SMCHD1: variants seen among roughly 807,000 people sequenced by gnomAD.
SMCHD1 encodes the protein structural maintenance of chromosomes flexible hinge domain-containing protein 1.
A neutral mutation model predicts 254.7 loss-of-function variants in SMCHD1; 78 were observed. That is an observed-to-expected ratio of 0.31 (90% confidence interval 0.26 to 0.37). The LOEUF (loss-of-function observed/expected upper bound fraction) is 0.37, where lower values mean the gene tolerates loss of function less well. Among genes scored for constraint, SMCHD1 ranks in the 10% least tolerant of loss-of-function variants. The pLI is 1.00. For synonymous variants in SMCHD1, 766 were observed against 794.9 expected, an observed-to-expected ratio of 0.96 and a Z score of 0.61; for missense variants, 1,840 against 2,408.1, an observed-to-expected ratio of 0.76 and a Z score of 4.94.
intron 39 of SMCHD1, 40 bp from the exon 40 acceptor site, chr18:2,771,493 C>T: frequency 1.4e-6 from 2 of 1,380,322 alleles, no homozygotes; most frequent in Non-Finnish European, 2.0e-6. Context: ...GATTTGGGGG[C>T]TATCAGAAAT....
At chr18:2,689,238 G>A (rs1255212279) in intron 7 of SMCHD1, among the ~76,000 whole-genome samples, 1 of 120,896 alleles carries the variant, frequency 8.3e-6, no homozygotes, top group Non-Finnish European at 1.7e-5. Context: ...TTTTTTTTGA[G>A]ATGGAGTCTC....
Position 2,746,668 on chromosome 18 carries a change from T to G in SMCHD1, c.3802-854T>G, listed in dbSNP as rs574430316. ...CTTTCCCCATAATCTGGTAACCAGCTACCTCAGTTAAGAGTAGGGGGTAGA... is the reference window on the plus strand; with the variant it reads ...CTTTCCCCATAATCTGGTAACCAGCGACCTCAGTTAAGAGTAGGGGGTAGA... On this transcript the variant is annotated intron_variant, in intron 29 of 47. Coordinates refer to ENST00000320876, the MANE Select transcript of SMCHD1 (RefSeq NM_015295.3). Among the ~76,000 whole-genome samples, 7 of 152,322 alleles carry G rather than the reference T, an allele frequency of 4.6e-5. No homozygotes were observed. In the South Asian group the frequency reaches 1.0e-3, roughly 23 times the overall value.
At chr18:2,762,336 G>C in intron 36 of SMCHD1, 100 bp downstream of exon 36, 1 of 1,136,046 alleles carries the variant, frequency 8.8e-7, no homozygotes, top group South Asian at 1.5e-5. Context: ...CAGTTACTCT[G>C]ATTAAGGTTA....
At chr18:2,680,040 A>G (rs1255798458) in intron 5 of SMCHD1, among the ~76,000 whole-genome samples, 1 of 152,064 alleles carries the variant, frequency 6.6e-6, no homozygotes, top group South Asian at 2.1e-4. Context: ...ATTTCTATTC[A>G]GTTCTTTTTT....
At chr18:2,692,816 A>G (rs2074208215) in intron 7 of SMCHD1, among the ~76,000 whole-genome samples, 1 of 152,214 alleles carries the variant, frequency 6.6e-6, no homozygotes, top group Admixed American at 6.5e-5. Context: ...ATCTCCTACC[A>G]GATGGAATTT....
At chr18:2,724,125 T>C (rs1450146659) in intron 20 of SMCHD1, among the ~76,000 whole-genome samples, 1 of 149,432 alleles carries the variant, frequency 6.7e-6, no homozygotes, top group African/African-American at 2.5e-5. Context: ...TCCCAGGGGA[T>C]TTATTTTATC....
At chr18:2,773,487 C>T (rs1436580619) in intron 41 of SMCHD1, among the ~76,000 whole-genome samples, 1 of 152,140 alleles carries the variant, frequency 6.6e-6, no homozygotes, top group African/African-American at 2.4e-5. Context: ...TTTGAAATTT[C>T]GTTTTACATA....
intron 45 of SMCHD1, among the ~76,000 whole-genome samples, chr18:2,787,945 C>G (rs1295016986): frequency 6.6e-6 from 1 of 152,208 alleles, no homozygotes; most frequent in East Asian, 1.9e-4. Context: ...CTGGGACAGT[C>G]AGCAGCCTTG....
chr18:2,697,885 C>A lies in SMCHD1; in HGVS notation c.1186C>A (p.Gln396Lys), dbSNP rs377471712. 74 of 1,613,552 alleles carry A rather than the reference C, an allele frequency of 4.6e-5. No individual in the cohort carries two copies. Among genetic ancestry groups the A allele is most frequent in the Admixed American group, 6.7e-5 (4 of 60,002 alleles). Residue 396 changes from glutamine (Q) to lysine (K), a missense_variant, in exon 10 of 48, where the codon CAA becomes AAA. Physicochemically the swap from Gln to Lys is moderately conservative, Grantham distance 53 (BLOSUM62 1). This residue lies in a region of SMCHD1 where 498 missense variants were observed against 743.5 expected (regional missense o/e 0.67). Coordinates refer to ENST00000320876, the MANE Select transcript of SMCHD1 (RefSeq NM_015295.3). ...TAAGATTGTCAACCTAAGGGAAATA[C>A]AAGACGACATGCAGACGTTGTATGT... The part of the protein sequence containing the change: ...VPKIVNLREI[Q>K]DDMQTLYVNT...
rs1429457379 is a variant in SMCHD1 at position 2,697,963 on chromosome 18, G to A, written c.1264G>A (p.Val422Ile). The A allele has an allele frequency of 7.4e-6, 12 of 1,613,660 alleles. No individual in the cohort carries two copies. The highest frequency in any genetic ancestry group is 3.3e-5 in the Admixed American group (2 of 60,028). Residue 422 changes from valine to isoleucine, a missense_variant, in exon 10 of 48, where the codon GTA becomes ATA. Val to Ile is a conservative substitution (Grantham distance 29, BLOSUM62 3). Transcript: ENST00000320876. ...CAAAGCTCATGTTGAAGGAGATGGT[G>A]TAGTGGAAGGGATTATCCGTTATCA... is the stretch of plus-strand genomic sequence containing the variant. ...EFKAHVEGDG[V>I]VEGIIRYHPF...
chr18:2,697,228 C>T (rs1455972118), intron 9 of SMCHD1, 106 bp downstream of exon 9: 10 of 534,782 alleles, frequency 1.9e-5, no homozygotes, highest in Non-Finnish European at 3.3e-5. Flanking sequence ...CAACTTCTCT[C>T]TCCTTGTTTT....
intron 5 of SMCHD1, 43 bp from the exon 6 acceptor site, chr18:2,688,351 T>C: frequency 7.1e-7 from 1 of 1,418,292 alleles, no homozygotes; most frequent in Non-Finnish European, 1.0e-6. Context: ...TTTTGACACT[T>C]AACTAGCTTG....
chr18:2,693,767 G>GT (rs914793243), intron 7 of SMCHD1, among the ~76,000 whole-genome samples: 1 of 152,102 alleles, frequency 6.6e-6, no homozygotes, highest in African/African-American at 2.4e-5. Flanking sequence ...TAGTAGCTGG[G>GT]TTTATAGGCG....
chr18:2,728,694 C>G, intron 23 of SMCHD1, 98 bp downstream of exon 23: 1 of 1,243,632 alleles, frequency 8.0e-7, no homozygotes, highest in Non-Finnish European at 1.1e-6. Context: ...GGATTTAAGT[C>G]TGAAACGATT....
In SMCHD1 at chr18:2,739,534, G is replaced by A. The variant is rs570418585; in HGVS notation, c.3514+14G>A. On this transcript the variant is annotated intron_variant, in intron 27 of 47. Coordinates refer to ENST00000320876, the MANE Select transcript of SMCHD1 (RefSeq NM_015295.3). ...AAGGAGAAGTAGGTTAGTATGGCTT[G>A]CTTTAAAAAACAAACAACAAAAAAA... The A allele has an allele frequency of 1.9e-6, 3 of 1,598,346 alleles. No individual in the cohort carries two copies. The East Asian group carries it at 6.7e-5, about 36-fold the overall frequency.
chr18:2,707,664 C>G lies in SMCHD1; in HGVS notation c.2146+19C>G. ...CCTATTGGTATGTTTGTTTATTTTT[C>G]TAATACCAAAAAGTGTGCTTTTCTT... On this transcript the variant is annotated intron_variant, in intron 16 of 47. Coordinates refer to ENST00000320876, the MANE Select transcript of SMCHD1 (RefSeq NM_015295.3). 1 of 1,541,312 alleles carries G rather than the reference C, an allele frequency of 6.5e-7. No individual in the cohort carries two copies. The highest frequency in any genetic ancestry group is 8.9e-7 in the Non-Finnish European group (1 of 1,125,134).
In SMCHD1 at chr18:2,655,939, G is replaced by T; in HGVS notation, c.-137G>T. ...CTGCCGCTGCTCGGCCGCCGCCGCTGACGAGGAGCTGCAGCGCGCCGGGCC... is the reference window on the plus strand; with the variant it reads ...CTGCCGCTGCTCGGCCGCCGCCGCTTACGAGGAGCTGCAGCGCGCCGGGCC... On this transcript the variant is annotated 5_prime_UTR_variant, in exon 1 of 48. Transcript: ENST00000320876. 5.0e-6 allele frequency: 3 copies of T among 596,310 alleles called. No individual in the cohort carries two copies. Among genetic ancestry groups the T allele is most frequent in the Non-Finnish European group, 7.3e-6 (3 of 410,884 alleles). 36.9% of individuals were successfully genotyped at this position (596,310 alleles called of 1,614,324 possible).
chr18:2,796,170 A>G (rs2076260458), intron 46 of SMCHD1, 63 bp downstream of exon 46: 2 of 1,334,414 alleles, frequency 1.5e-6, no homozygotes, highest in South Asian at 1.5e-5. Context: ...TTATGATGAG[A>G]GAGAATCCAA....
intron 37 of SMCHD1, among the ~76,000 whole-genome samples, chr18:2,768,887 G>GGCA (rs2075925346): frequency 6.6e-6 from 1 of 151,922 alleles, no homozygotes; most frequent in Non-Finnish European, 1.5e-5. Context: ...CTGATTGGCA[G>GGCA]TTGGTTTAAT....
Sources: allele counts gnomAD v4.1 joint callset (sites outside exome capture counted in the v4.1 genomes callset), GRCh38; gene constraint gnomAD v4.1.1; regional missense constraint gnomAD v4.1.1; transcripts MANE v1.5; gene names NCBI Gene and HGNC (gene_info 2026-07-23, HGNC 2026-07-21).